MICU3: variants seen among roughly 807,000 people sequenced by gnomAD.
MICU3 encodes the protein mitochondrial calcium uptake 3.
In MICU3, 62 loss-of-function variants were observed where a neutral mutation model predicts 66.5. The observed-to-expected ratio is 0.93, with a 90% CI of 0.76 to 1.15. The LOEUF (loss-of-function observed/expected upper bound fraction) is 1.15, where lower values mean the gene tolerates loss of function less well. Ranked by LOEUF, MICU3 falls within the 50% of genes most tolerant of loss-of-function variation. The pLI, the probability that MICU3 is intolerant of heterozygous loss-of-function variation, is 0.00. For synonymous variants in MICU3, 308 were observed against 240.7 expected (o/e 1.28, Z -2.59); for missense variants, 779 against 664.4 (o/e 1.17, Z -1.90).
At chr8:17,093,347 C>G (rs1394843275) in intron 8 of MICU3, among the ~76,000 whole-genome samples, 1 of 151,830 alleles carries the variant, frequency 6.6e-6, no homozygotes, top group African/African-American at 2.4e-5. Context: ...GAAAACATAC[C>G]AGTTTTTATA....
At chr8:17,063,397 G>C (rs1056558321) in intron 1 of MICU3, among the ~76,000 whole-genome samples, 1 of 151,952 alleles carries the variant, frequency 6.6e-6, no homozygotes, top group Admixed American at 6.6e-5. Flanking sequence ...TTACATGTAA[G>C]AGCTTTGCAT....
intron 1 of MICU3, among the ~76,000 whole-genome samples, chr8:17,037,963 A>G (rs961912219): frequency 2.0e-5 from 3 of 152,102 alleles, no homozygotes; most frequent in Admixed American, 6.6e-5. Context: ...AGTTTCTCCC[A>G]TTTGGAATGG....
At chr8:17,063,173 A>G (rs1002242989) in intron 1 of MICU3, among the ~76,000 whole-genome samples, 17 of 152,178 alleles carry the variant, frequency 1.1e-4, no homozygotes, top group Non-Finnish European at 4.4e-5. Context: ...TTGCCAAAAG[A>G]AAGCAAAAAC....
At chr8:17,036,909 G>A (rs543711511) in intron 1 of MICU3, among the ~76,000 whole-genome samples, 25 of 152,354 alleles carry the variant, frequency 1.6e-4, no homozygotes, top group African/African-American at 2.4e-4. Context: ...AGGAGCCCAC[G>A]GAGTGGGTGG....
chr8:17,104,475 T>G lies in MICU3; in HGVS notation c.1069T>G (p.Phe357Val), dbSNP rs745443351. The G allele has an allele frequency of 6.9e-7, 1 of 1,446,886 alleles. No homozygotes were observed. The allele number at this position is 1,446,886 out of a possible 1,614,324, so 89.6% of individuals were successfully genotyped here. A position where few individuals can be genotyped will look rare whatever the true frequency, so the allele number is the denominator to read the frequency against. ...FGKKGKAELN[F>V]EDFYRFMDNL... Reference sequence around the variant, plus strand: ...AAAGAAAGGAAAAGCTGAGCTCAACTTTGAAGATTTTTATAGGTGAGCTTA... The same window carrying G: ...AAAGAAAGGAAAAGCTGAGCTCAACGTTGAAGATTTTTATAGGTGAGCTTA... Residue 357 changes from phenylalanine to valine, a missense_variant, in exon 10 of 15, where the codon TTT (phenylalanine) becomes GTT (valine). By Grantham distance (50) the Phe-to-Val change is conservative. Coordinates refer to ENST00000318063, the MANE Select transcript of MICU3 (RefSeq NM_181723.3).
intron 1 of MICU3, among the ~76,000 whole-genome samples, chr8:17,041,823 A>G (rs1288937875): frequency 6.6e-5 from 10 of 152,194 alleles, no homozygotes; most frequent in African/African-American, 2.4e-4. Context: ...CTTAGTGGCA[A>G]GTAGTTGAAG....
chr8:17,138,620 A>G, the MICU3 span, among the ~76,000 whole-genome samples: 2 of 152,152 alleles, frequency 1.3e-5, no homozygotes, highest in African/African-American at 4.8e-5. Context: ...ATGAGAAATA[A>G]TTAAAAGTCA....
chr8:17,125,513 G>A (rs1803383153), downstream of MICU3, among the ~76,000 whole-genome samples: 1 of 152,118 alleles, frequency 6.6e-6, no homozygotes, highest in Admixed American at 6.5e-5. Context: ...GCTTTTGACT[G>A]ATGGATTTTA....
intron 5 of MICU3, among the ~76,000 whole-genome samples, chr8:17,084,325 T>C (rs1821630745): frequency 6.6e-6 from 1 of 152,144 alleles, no homozygotes; most frequent in South Asian, 2.1e-4. Flanking sequence ...ATGCAACAAG[T>C]GAGCTTGCAT....
intron 14 of MICU3, among the ~76,000 whole-genome samples, chr8:17,119,963 A>G (rs1297739725): frequency 6.6e-6 from 1 of 152,162 alleles, no homozygotes; most frequent in African/African-American, 2.4e-5. Flanking sequence ...TAAACATTGA[A>G]AAAAAAGGAG....
chr8:17,078,268 C>T (rs1820676152), intron 4 of MICU3, among the ~76,000 whole-genome samples: 1 of 151,936 alleles, frequency 6.6e-6, no homozygotes, highest in Admixed American at 6.6e-5. Flanking sequence ...ATTATAGATG[C>T]TCCTAAACTA....
the MICU3 span, among the ~76,000 whole-genome samples, chr8:17,133,616 T>G: frequency 6.6e-6 from 1 of 152,270 alleles, no homozygotes; most frequent in South Asian, 2.1e-4. Context: ...TGTCATATAT[T>G]TTATTGTTTC....
intron 1 of MICU3, among the ~76,000 whole-genome samples, chr8:17,062,396 T>A (rs931270044): frequency 2.6e-5 from 4 of 152,208 alleles, no homozygotes; most frequent in Non-Finnish European, 5.9e-5. Context: ...ACACCACAAC[T>A]TCCATTTCTT....
At position 17,121,590 on chromosome 8, in the gene MICU3, C is replaced by CA. The variant is rs1448901361; in HGVS notation, c.*1304dup. On this transcript the variant is annotated 3_prime_UTR_variant, in exon 15 of 15. Coordinates refer to ENST00000318063, the MANE Select transcript of MICU3 (RefSeq NM_181723.3). ...TCTAAGACATATTTAATGTAGGTTA[C>CA]ATACACTCCAACTATTACTTTGCTT... 43 of 152,318 alleles carry CA rather than the reference C, an allele frequency of 2.8e-4. No homozygotes were observed. The highest frequency in any genetic ancestry group is 9.6e-4 in the African/African-American group (40 of 41,544). The allele number at this position is 152,318 out of a possible 1,614,324, so 9.4% of individuals were successfully genotyped here.
chr8:17,130,517 A>G, the MICU3 span, among the ~76,000 whole-genome samples: 2 of 152,152 alleles, frequency 1.3e-5, no homozygotes, highest in Non-Finnish European at 2.9e-5. Flanking sequence ...TGTCTCAAAA[A>G]AAAAAAGAGA....
rs562745272 is a variant in MICU3, at chr8:17,043,830, C to T, written c.381+16170C>T. ...TGAACTTAACAAATCAAAGTCAAGA[C>T]GTCCTATTTGGAGAGAAAGGTAAAA... On this transcript the variant is annotated intron_variant, in intron 1 of 14. Transcript: ENST00000318063. 4.4e-4 allele frequency among the ~76,000 whole-genome samples: 67 copies of T among 152,224 alleles called. 3 individuals carry two copies. Among genetic ancestry groups the T allele is most frequent in the African/African-American group, 1.6e-3 (65 of 41,548 alleles).
chr8:17,060,504 GTTTCACCATGTT>G (rs1255428753), intron 1 of MICU3, among the ~76,000 whole-genome samples: 1 of 152,008 alleles, frequency 6.6e-6, no homozygotes. Context: ...TAGAGACAGG[GTTTCACCATGTT>G]GGCCAGGCTG....
intron 1 of MICU3, among the ~76,000 whole-genome samples, chr8:17,037,377 T>C (rs1015155050): frequency 6.6e-6 from 1 of 152,172 alleles, no homozygotes; most frequent in Non-Finnish European, 1.5e-5. Flanking sequence ...CGCTGTCACC[T>C]CTCACCTTGC....
At chr8:17,037,809 C>T (rs1184181473) in intron 1 of MICU3, among the ~76,000 whole-genome samples, 7 of 152,168 alleles carry the variant, frequency 4.6e-5, no homozygotes, top group Non-Finnish European at 7.3e-5. Context: ...GAAGAACTGC[C>T]CAAGGCCGTG....
Sources: allele counts gnomAD v4.1 joint callset (sites outside exome capture counted in the v4.1 genomes callset), GRCh38; gene constraint gnomAD v4.1.1; transcripts MANE v1.5; gene names NCBI Gene and HGNC (gene_info 2026-07-23, HGNC 2026-07-21).